Variants in CDNF observed in about 807,000 individuals in gnomAD.
CDNF encodes the protein ARMET-like protein 1.
A neutral mutation model predicts 14.8 loss-of-function variants in CDNF; 9 were observed. That is an observed-to-expected ratio of 0.61 (90% CI 0.37 to 1.06). The LOEUF (loss-of-function observed/expected upper bound fraction) is 1.06. Ranked by LOEUF, CDNF falls within the 50% of genes least tolerant of loss-of-function variation. CDNF has a pLI of 0.01. For synonymous variants in CDNF, 86 were observed against 87.2 expected, an observed-to-expected ratio of 0.99 and a Z score of 0.07; for missense variants, 228 against 228.4, an observed-to-expected ratio of 1.00 and a Z score of 0.01.
chr10:14,835,151 T>C (rs1833876329), intron 1 of CDNF, among the ~76,000 whole-genome samples: 1 of 152,180 alleles, frequency 6.6e-6, no homozygotes, highest in South Asian at 2.1e-4. Flanking sequence ...GTACATCATA[T>C]CTAAGAGGGC....
intron 1 of CDNF, among the ~76,000 whole-genome samples, 189 bp from the exon 2 acceptor site, chr10:14,828,461 A>T (rs977767467): frequency 1.3e-5 from 2 of 151,844 alleles, no homozygotes; most frequent in Non-Finnish European, 1.5e-5. Flanking sequence ...ATCCCGGCCA[A>T]CATGGTGAAA....
At chr10:14,823,471 T>C (rs531473943) in intron 3 of CDNF, among the ~76,000 whole-genome samples, 2 of 152,324 alleles carry the variant, frequency 1.3e-5, no homozygotes, top group South Asian at 4.1e-4. Context: ...CACAACAAAT[T>C]TGTTGAATTT....
intron 1 of CDNF, among the ~76,000 whole-genome samples, chr10:14,831,826 G>A (rs574210772): frequency 2.6e-5 from 4 of 152,152 alleles, no homozygotes; most frequent in South Asian, 2.1e-4. Flanking sequence ...TGCCCACCTC[G>A]GCTTCCCAAA....
chr10:14,832,524 A>C (rs1833851897), intron 1 of CDNF, among the ~76,000 whole-genome samples: 1 of 152,208 alleles, frequency 6.6e-6, no homozygotes, highest in African/African-American at 2.4e-5. Context: ...TGAAGAATGG[A>C]TTACAAGGAA....
chr10:14,819,937 T>G lies in CDNF; in HGVS notation c.*43A>C. On this transcript the variant is annotated 3_prime_UTR_variant, in exon 4 of 4. Coordinates refer to ENST00000465530, the MANE Select transcript of CDNF (RefSeq NM_001029954.3). ...ACATGTCCATATCCTAGAGAGTCACTTTTCTCTCTAATTACAAGTCACAAA... is the reference window on the plus strand; with the variant it reads ...ACATGTCCATATCCTAGAGAGTCACGTTTCTCTCTAATTACAAGTCACAAA... 1 of 1,566,672 alleles carries G rather than the reference T, an allele frequency of 6.4e-7. No homozygotes were observed. Among genetic ancestry groups the G allele is most frequent in the African/African-American group, 1.4e-5 (1 of 73,660 alleles).
chr10:14,835,006 G>A (rs1833875175), intron 1 of CDNF, among the ~76,000 whole-genome samples: 1 of 152,170 alleles, frequency 6.6e-6, no homozygotes, highest in African/African-American at 2.4e-5. Flanking sequence ...AAGGGGGAAA[G>A]AGAAGTCTAG....
chr10:14,819,908 A>G lies in CDNF; in HGVS notation c.*72T>C, dbSNP rs1436369202. On this transcript the variant is annotated 3_prime_UTR_variant, in exon 4 of 4. Coordinates refer to ENST00000465530, the MANE Select transcript of CDNF (RefSeq NM_001029954.3). ...TATGATGCATTCCCAGTTATCCTTA[A>G]TCAACATGTCCATATCCTAGAGAGT... is the stretch of plus-strand genomic sequence containing the variant. 7.1e-7 allele frequency: 1 copy of G among 1,412,388 alleles called. No homozygotes were observed. Among genetic ancestry groups the G allele is most frequent in the Non-Finnish European group, 9.7e-7 (1 of 1,034,262 alleles). 87.5% of individuals were successfully genotyped at this position (1,412,388 alleles called of 1,614,324 possible). A position where few individuals can be genotyped will look rare whatever the true frequency, so the allele number is the denominator to read the frequency against.
chr10:14,832,408 G>T (rs975326263), intron 1 of CDNF, among the ~76,000 whole-genome samples: 1 of 152,186 alleles, frequency 6.6e-6, no homozygotes, highest in Admixed American at 6.5e-5. Context: ...TTTCAAGCTT[G>T]GTAAGGTCTC....
At chr10:14,836,636 A>C (rs2131629820) in intron 1 of CDNF, among the ~76,000 whole-genome samples, 1 of 152,384 alleles carries the variant, frequency 6.6e-6, no homozygotes, top group East Asian at 1.9e-4. Flanking sequence ...GGCTCCAATT[A>C]TTAACACTTT....
intron 1 of CDNF, among the ~76,000 whole-genome samples, chr10:14,829,444 C>T (rs555393265): frequency 6.6e-6 from 1 of 152,318 alleles, no homozygotes; most frequent in South Asian, 2.1e-4. Context: ...GACTCTGTCT[C>T]TGCACACACC....
At chr10:14,824,605 CAAAAAAAA>C (rs572648812) in intron 3 of CDNF, among the ~76,000 whole-genome samples, 2 of 64,644 alleles carry the variant, frequency 3.1e-5, no homozygotes, top group Admixed American at 1.6e-4. Context: ...GACTTCCCCT[CAAAAAAAA>C]AAAAAAAAAA....
At chr10:14,830,286 T>C (rs1434150743) in intron 1 of CDNF, among the ~76,000 whole-genome samples, 1 of 152,192 alleles carries the variant, frequency 6.6e-6, no homozygotes, top group African/African-American at 2.4e-5. Context: ...AATTTCCTTA[T>C]AGTCCCCTAT....
chr10:14,822,257 C>G (rs184413133), intron 3 of CDNF, among the ~76,000 whole-genome samples: 7 of 152,114 alleles, frequency 4.6e-5, no homozygotes, highest in African/African-American at 1.4e-4. Flanking sequence ...ACTACTATTT[C>G]GCTGTTTATA....
At chr10:14,831,999 A>C (rs1833847907) in intron 1 of CDNF, among the ~76,000 whole-genome samples, 1 of 152,238 alleles carries the variant, frequency 6.6e-6, no homozygotes, top group African/African-American at 2.4e-5. Context: ...TAGGTTCCTA[A>C]GATTCAGTAA....
At chr10:14,826,095 AAGCAGCAGC>A (rs71505046) in intron 2 of CDNF, among the ~76,000 whole-genome samples, 910 of 87,154 alleles carry the variant, frequency 0.01, 20 homozygotes, top group Admixed American at 0.021. Flanking sequence ...GAAGAAGAAG[AAGCAGCAGC>A]AGCAGCAGCA....
chr10:14,825,331 C>A, intron 3 of CDNF, 148 bp downstream of exon 3: 1 of 736,290 alleles, frequency 1.4e-6, no homozygotes. Context: ...CTCAAATGCC[C>A]ATAGGTACCA....
At chr10:14,836,902 C>T (rs1833893167) in intron 1 of CDNF, among the ~76,000 whole-genome samples, 1 of 152,166 alleles carries the variant, frequency 6.6e-6, no homozygotes. Context: ...TGTACTCCGG[C>T]CTGGGCAACA....
In CDNF at chr10:14,819,992, T is replaced by C; in HGVS notation, c.552A>G (p.Lys184=). Reference sequence around the variant, plus strand: ...CTGGCATTGGAGATCAGAGCTCTGTTTTGGGGTGTGTCGCTGCATACTTGG... The same window carrying C: ...CTGGCATTGGAGATCAGAGCTCTGTCTTGGGGTGTGTCGCTGCATACTTGG... ...LAPKYAATHP[K]TEL The change falls in exon 4 of 4, where the codon AAA becomes AAG. Residue 184 remains lysine (K), a synonymous_variant. Transcript: ENST00000465530. The C allele has an allele frequency of 6.2e-7, 1 of 1,613,704 alleles. No homozygotes were observed. Among genetic ancestry groups the C allele is most frequent in the Middle Eastern group, 1.7e-4 (1 of 5,884 alleles).
chr10:14,821,474 A>T (rs917702100), intron 3 of CDNF, among the ~76,000 whole-genome samples: 2 of 152,202 alleles, frequency 1.3e-5, no homozygotes, highest in African/African-American at 4.8e-5. Flanking sequence ...TAGCATTTTC[A>T]TTGTATTAAG....
Sources: allele counts gnomAD v4.1 joint callset (sites outside exome capture counted in the v4.1 genomes callset), GRCh38; gene constraint gnomAD v4.1.1; transcripts MANE v1.5; gene names NCBI Gene and HGNC (gene_info 2026-07-23, HGNC 2026-07-21).